Variants in SEMA3E observed in about 807,000 individuals in gnomAD.
SEMA3E encodes semaphorin-3E.
Under a neutral mutation model 93.6 loss-of-function variants are expected in SEMA3E, and 49 were observed. The ratio of observed to expected loss-of-function variants is 0.52; its 90% confidence interval spans 0.42 to 0.66. The LOEUF is 0.66. SEMA3E is among the 30% of genes least tolerant of loss of function. The probability of loss-of-function intolerance (pLI) is 0.00; values close to 1 mark genes in which losing one functional copy is unlikely to be tolerated. For synonymous variants in SEMA3E, 363 were observed against 330.7 expected (o/e 1.10, Z -1.06); for missense variants, 906 against 964.8 (o/e 0.94, Z 0.81).
chr7:83,497,626 T>C (rs971536034), intron 1 of SEMA3E, among the ~76,000 whole-genome samples: 1 of 152,240 alleles, frequency 6.6e-6, no homozygotes, highest in Non-Finnish European at 1.5e-5. Flanking sequence ...TGATCACTAG[T>C]GGCTTATGAT....
At chr7:83,473,791 G>A (rs1273274210) in intron 2 of SEMA3E, among the ~76,000 whole-genome samples, 1 of 149,612 alleles carries the variant, frequency 6.7e-6, no homozygotes, top group African/African-American at 2.5e-5. Flanking sequence ...TCCTAAATAT[G>A]TTCAAGATTC....
intron 1 of SEMA3E, among the ~76,000 whole-genome samples, chr7:83,499,986 C>T: frequency 6.6e-6 from 1 of 152,070 alleles, no homozygotes; most frequent in East Asian, 1.9e-4. Context: ...TGTGGCTTTA[C>T]CCAAAATAGA....
intron 2 of SEMA3E, among the ~76,000 whole-genome samples, chr7:83,486,759 C>T (rs1790265725): frequency 6.6e-6 from 1 of 152,072 alleles, no homozygotes; most frequent in Non-Finnish European, 1.5e-5. Context: ...TCCTTCCTGG[C>T]ACCTGCCCAG....
intron 1 of SEMA3E, among the ~76,000 whole-genome samples, chr7:83,547,246 TTAGC>T (rs1791671387): frequency 3.3e-5 from 5 of 152,160 alleles, no homozygotes; most frequent in African/African-American, 1.2e-4. Flanking sequence ...TTATTATTAA[TTAGC>T]ATTTAGGCAG....
intron 2 of SEMA3E, among the ~76,000 whole-genome samples, chr7:83,477,951 A>G (rs1025530882): frequency 6.6e-6 from 1 of 150,930 alleles, no homozygotes; most frequent in African/African-American, 2.4e-5. Context: ...ACGGAGTTTC[A>G]CTCTTATTGC....
At chr7:83,629,587 A>C (rs373194454) in intron 1 of SEMA3E, among the ~76,000 whole-genome samples, 2 of 152,210 alleles carry the variant, frequency 1.3e-5, no homozygotes, top group East Asian at 3.9e-4. Context: ...CTGTGTTTAT[A>C]CTGTGAAGGG....
intron 1 of SEMA3E, among the ~76,000 whole-genome samples, chr7:83,612,927 A>G (rs1394991632): frequency 1.4e-5 from 2 of 143,890 alleles, no homozygotes; most frequent in African/African-American, 2.5e-5. Flanking sequence ...ATGATCTTTC[A>G]AAACTCATAT....
intron 5 of SEMA3E, among the ~76,000 whole-genome samples, chr7:83,413,952 C>G (rs2713154): frequency 2.6e-5 from 4 of 151,900 alleles, no homozygotes; most frequent in Non-Finnish European, 5.9e-5. Flanking sequence ...TACCTCTTTT[C>G]GTTGTGACGG....
chr7:83,426,779 T>G (rs976825706), intron 4 of SEMA3E, among the ~76,000 whole-genome samples: 1 of 152,222 alleles, frequency 6.6e-6, no homozygotes, highest in African/African-American at 2.4e-5. Context: ...TCCTTGGGAC[T>G]GCCTAGATAG....
intron 1 of SEMA3E, among the ~76,000 whole-genome samples, chr7:83,537,314 T>C (rs941606621): frequency 1.3e-5 from 2 of 152,196 alleles, no homozygotes; most frequent in African/African-American, 2.4e-5. Context: ...TAATATTTGT[T>C]ATAAAAATAT....
At chr7:83,613,837 A>G (rs1793313767) in intron 1 of SEMA3E, among the ~76,000 whole-genome samples, 2 of 152,096 alleles carry the variant, frequency 1.3e-5, no homozygotes, top group African/African-American at 4.8e-5. Context: ...ATCCCTATTA[A>G]AGAGTAAAAA....
Position 83,639,132 on chromosome 7 carries a change from AAAAAAAAAC to A in SEMA3E, c.115+9287_115+9295del, listed in dbSNP as rs1411081187. Among the ~76,000 whole-genome samples, 181 of 141,698 alleles carry A rather than the reference AAAAAAAAAC, an allele frequency of 1.3e-3. 16 individuals are homozygous for A. The highest frequency in any genetic ancestry group is 3.6e-3 in the Middle Eastern group (1 of 280). The allele number at this position is 141,698 out of a possible 152,430, so 93.0% of individuals were successfully genotyped here. A position where few individuals can be genotyped will look rare whatever the true frequency, so the allele number is the denominator to read the frequency against. On this transcript the variant is annotated intron_variant, in intron 1 of 16. Transcript: ENST00000643230. ...TCTCAAAAAAAAAAAAAAAAAAAAA[AAAAAAAAAC>A]AGAGATTCCTGAGCCTCAGAATTAT...
At chr7:83,398,052 G>A (rs1180972298) in intron 11 of SEMA3E, among the ~76,000 whole-genome samples, 1 of 152,088 alleles carries the variant, frequency 6.6e-6, no homozygotes, top group African/African-American at 2.4e-5. Context: ...GTAAATATTG[G>A]ACAAAATATT....
intron 4 of SEMA3E, among the ~76,000 whole-genome samples, chr7:83,438,567 C>T (rs940040431): frequency 6.6e-6 from 1 of 151,896 alleles, no homozygotes; most frequent in African/African-American, 2.4e-5. Context: ...TTATAGAAAA[C>T]AATAGTAGTG....
At chr7:83,421,866 T>G (rs1788673804) in intron 4 of SEMA3E, among the ~76,000 whole-genome samples, 1 of 151,966 alleles carries the variant, frequency 6.6e-6, no homozygotes, top group African/African-American at 2.4e-5. Context: ...TACCATCCAG[T>G]CTTATCCTTG....
intron 1 of SEMA3E, among the ~76,000 whole-genome samples, chr7:83,581,719 T>G (rs1425933145): frequency 2.6e-5 from 4 of 152,016 alleles, no homozygotes; most frequent in Non-Finnish European, 5.9e-5. Flanking sequence ...TGATCAAAGC[T>G]ATTAGCTAAT....
rs562644816 is a variant in SEMA3E at position 83,627,815 on chromosome 7, C to T, written c.115+20613G>A. On this transcript the variant is annotated intron_variant, in intron 1 of 16. Coordinates refer to ENST00000643230, the MANE Select transcript of SEMA3E (RefSeq NM_012431.3). The stretch of plus-strand genomic sequence containing the variant: ...TTAATTGGGGCATTTACCCAAATTG[C>T]ATTTAAGGTTAATATTGTTACATGT... 6.6e-5 allele frequency among the ~76,000 whole-genome samples: 10 copies of T among 152,066 alleles called. No individual in the cohort carries two copies. The South Asian group carries it at 2.1e-3, about 32-fold the overall frequency.
At chr7:83,516,085 CTGTT>C (rs150649832) in intron 1 of SEMA3E, among the ~76,000 whole-genome samples, 8,087 of 152,178 alleles carry the variant, frequency 0.053, 314 homozygotes, top group Middle Eastern at 0.11. Context: ...AGGAAAACAA[CTGTT>C]TGTCAGTGAT....
intron 1 of SEMA3E, among the ~76,000 whole-genome samples, chr7:83,580,899 T>G (rs1792506392): frequency 6.6e-6 from 1 of 151,982 alleles, no homozygotes; most frequent in African/African-American, 2.4e-5. Context: ...TCATAGCTAT[T>G]AATATGTTGA....
Sources: gnomAD v4.1 joint callset for allele counts (sites outside exome capture counted in the v4.1 genomes callset) on GRCh38, gnomAD v4.1.1 for gene constraint, MANE v1.5 for transcripts, NCBI Gene and HGNC (gene_info 2026-07-23, HGNC 2026-07-21) for gene names.